RBFOX1: variants seen among roughly 807,000 people sequenced by gnomAD.
The protein encoded by RBFOX1 is RNA binding fox-1 homolog 1.
In RBFOX1, 8 loss-of-function variants were observed where a neutral mutation model predicts 57.7. The observed-to-expected ratio is 0.14, with a 90% confidence interval of 0.08 to 0.25. The LOEUF (loss-of-function observed/expected upper bound fraction) is 0.25, where lower values mean the gene tolerates loss of function less well. RBFOX1 is among the 10% of genes least tolerant of loss of function. The pLI is 1.00. For missense variants in RBFOX1, 611 were observed against 548.5 expected (o/e 1.11, Z -1.14); for synonymous variants, 326 against 222.4 (o/e 1.47, Z -4.15).
chr16:6,771,851 A>T (rs1048984654), intron 3 of RBFOX1, among the ~76,000 whole-genome samples: 1 of 152,170 alleles, frequency 6.6e-6, no homozygotes, highest in South Asian at 2.1e-4. Flanking sequence ...CAGAAGATGC[A>T]TTACTGTCAG....
At chr16:5,702,227 A>G (rs2051076472) in intron 3 of RBFOX1, among the ~76,000 whole-genome samples, 1 of 152,200 alleles carries the variant, frequency 6.6e-6, no homozygotes, top group African/African-American at 2.4e-5. Context: ...ACCTCAGGAA[A>G]CTTACAATTA....
At chr16:6,281,258 G>C (rs982735350) in intron 1 of RBFOX1, among the ~76,000 whole-genome samples, 8 of 152,016 alleles carry the variant, frequency 5.3e-5, no homozygotes, top group Non-Finnish European at 1.0e-4. Flanking sequence ...TGATCCCACG[G>C]AATTGTCACC....
chr16:5,253,316 AT>A (rs575570274), intron 1 of RBFOX1, among the ~76,000 whole-genome samples: 1 of 151,764 alleles, frequency 6.6e-6, no homozygotes, highest in Non-Finnish European at 1.5e-5. Flanking sequence ...CACCCAGCTA[AT>A]TTTTTTGTAT....
chr16:7,030,547 C>A (rs2042528560), intron 3 of RBFOX1, among the ~76,000 whole-genome samples: 1 of 152,152 alleles, frequency 6.6e-6, no homozygotes, highest in African/African-American at 2.4e-5. Context: ...CTAGTCTCTG[C>A]CTCTGTCTTC....
intron 1 of RBFOX1, among the ~76,000 whole-genome samples, chr16:6,107,088 A>G (rs2096389966): frequency 1.3e-5 from 2 of 152,148 alleles, no homozygotes; most frequent in Admixed American, 1.3e-4. Context: ...GCCTCCTCTT[A>G]TGTTGCTGCT....
At chr16:6,793,705 T>C (rs1395621569) in intron 3 of RBFOX1, among the ~76,000 whole-genome samples, 1 of 152,192 alleles carries the variant, frequency 6.6e-6, no homozygotes, top group Non-Finnish European at 1.5e-5. Context: ...GGCCATCTTT[T>C]CACCCTGTTG....
At chr16:7,365,196 A>G (rs1176174747) in intron 4 of RBFOX1, among the ~76,000 whole-genome samples, 2 of 152,214 alleles carry the variant, frequency 1.3e-5, no homozygotes, top group East Asian at 1.9e-4. Context: ...CTTTTTAACC[A>G]TAAACATCTT....
intron 3 of RBFOX1, among the ~76,000 whole-genome samples, chr16:6,899,371 T>C (rs988753793): frequency 3.3e-5 from 5 of 152,206 alleles, no homozygotes; most frequent in Non-Finnish European, 5.9e-5. Context: ...TCTTCTTCCC[T>C]AGGCATTAAG....
chr16:6,089,658 G>C (rs567579077), intron 1 of RBFOX1, among the ~76,000 whole-genome samples: 1 of 152,316 alleles, frequency 6.6e-6, no homozygotes, highest in Non-Finnish European at 1.5e-5. Context: ...GGTTACCTGA[G>C]TACGGGGTCA....
intron 1 of RBFOX1, among the ~76,000 whole-genome samples, chr16:5,293,343 T>C (rs1045399916): frequency 8.5e-5 from 13 of 152,136 alleles, no homozygotes; most frequent in African/African-American, 2.9e-4. Context: ...GTTGCTGTTA[T>C]CACACCTCAT....
chr16:6,015,688 G>A (rs1194021650), upstream of RBFOX1, among the ~76,000 whole-genome samples: 1 of 152,154 alleles, frequency 6.6e-6, no homozygotes, highest in Non-Finnish European at 1.5e-5. Flanking sequence ...TCTCCTTCGG[G>A]AATATCCATC....
At chr16:5,418,609 G>A (rs983780864) in intron 1 of RBFOX1, among the ~76,000 whole-genome samples, 11 of 152,026 alleles carry the variant, frequency 7.2e-5, no homozygotes, top group African/African-American at 2.7e-4. Context: ...TTTATAGGAC[G>A]AAGATGACTT....
intron 4 of RBFOX1, among the ~76,000 whole-genome samples, chr16:7,249,976 AG>A (rs1203959039): frequency 7.9e-5 from 12 of 152,222 alleles, no homozygotes; most frequent in African/African-American, 2.9e-4. Context: ...AATGAAGAGA[AG>A]CATTATAAAA....
chr16:7,256,916 C>G (rs994659685), intron 4 of RBFOX1, among the ~76,000 whole-genome samples: 1 of 152,162 alleles, frequency 6.6e-6, no homozygotes, highest in African/African-American at 2.4e-5. Flanking sequence ...ACCCAAGTCT[C>G]TCTCCCTGAC....
chr16:7,704,356 A>T (rs191431016), intron 14 of RBFOX1, among the ~76,000 whole-genome samples: 2 of 152,302 alleles, frequency 1.3e-5, no homozygotes, highest in East Asian at 3.9e-4. Flanking sequence ...CAACTTGGCC[A>T]GTGTTTTGCA....
intron 14 of RBFOX1, among the ~76,000 whole-genome samples, chr16:7,681,200 C>T (rs2074643769): frequency 6.6e-6 from 1 of 151,998 alleles, no homozygotes; most frequent in Non-Finnish European, 1.5e-5. Flanking sequence ...ATACATACAT[C>T]CATGCTTACA....
intron 1 of RBFOX1, among the ~76,000 whole-genome samples, chr16:6,274,135 T>C (rs1162154862): frequency 1.3e-5 from 2 of 152,286 alleles, no homozygotes; most frequent in African/African-American, 2.4e-5. Context: ...CTTTGAGATA[T>C]AGTGGAGCAG....
chr16:5,692,166 TGTGTGTGTGTGTG>T (rs1241041026), intron 3 of RBFOX1, among the ~76,000 whole-genome samples: 8 of 140,988 alleles, frequency 5.7e-5, no homozygotes, highest in Admixed American at 1.3e-4. Context: ...AGGGACTGAC[TGTGTGTGTGTGTG>T]TGTGTGTGTG....
chr16:7,345,772 G>A (rs1389945913), intron 4 of RBFOX1, among the ~76,000 whole-genome samples: 1 of 152,102 alleles, frequency 6.6e-6, no homozygotes. Flanking sequence ...TGGGATTTGG[G>A]TTAGAGACGC....
Sources: allele counts gnomAD v4.1 joint callset (sites outside exome capture counted in the v4.1 genomes callset), GRCh38; gene constraint gnomAD v4.1.1; transcripts MANE v1.5; gene names NCBI Gene and HGNC (gene_info 2026-07-23, HGNC 2026-07-21).